The following SLC14A2 variants were observed in gnomAD, a reference collection of about 807,000 sequenced individuals.
SLC14A2 encodes the protein solute carrier family 14 member 2.
SLC14A2 carries 91 observed loss-of-function variants against 104.6 expected under a neutral mutation model. The ratio of observed to expected loss-of-function variants is 0.87; its 90% confidence interval spans 0.73 to 1.04. The LOEUF is 1.04. SLC14A2 is among the 50% of genes least tolerant of loss of function. The probability of loss-of-function intolerance (pLI) is 0.00; values close to 1 mark genes in which losing one functional copy is unlikely to be tolerated. For missense variants in SLC14A2, 1,189 were observed against 1,156.0 expected, an observed-to-expected ratio of 1.03 and a Z score of -0.41; for synonymous variants, 476 against 466.4, an observed-to-expected ratio of 1.02 and a Z score of -0.27.
At chr18:45,262,107 A>T (rs771603691) in intron 1 of SLC14A2, among the ~76,000 whole-genome samples, 4 of 152,144 alleles carry the variant, frequency 2.6e-5, no homozygotes, top group South Asian at 4.1e-4. Flanking sequence ...ATTCTAACTG[A>T]TGTGAGATGG....
chr18:45,428,297 T>G (rs1476536437), intron 1 of SLC14A2, among the ~76,000 whole-genome samples: 1 of 152,216 alleles, frequency 6.6e-6, no homozygotes, highest in Non-Finnish European at 1.5e-5. Flanking sequence ...TATATCTGAC[T>G]CAAATAAAAC....
intron 1 of SLC14A2, among the ~76,000 whole-genome samples, chr18:45,226,565 A>G (rs1246951828): frequency 6.6e-6 from 1 of 151,708 alleles, no homozygotes; most frequent in African/African-American, 2.4e-5. Flanking sequence ...AAACTATCAC[A>G]AGGACAGAAA....
chr18:45,368,160 G>A (rs748593988), intron 1 of SLC14A2, among the ~76,000 whole-genome samples: 1 of 152,070 alleles, frequency 6.6e-6, no homozygotes, highest in African/African-American at 2.4e-5. Flanking sequence ...TAAGTAAAGG[G>A]CACCTGAAAC....
intron 2 of SLC14A2, among the ~76,000 whole-genome samples, chr18:45,560,393 C>T (rs2044185609): frequency 6.6e-6 from 1 of 152,140 alleles, no homozygotes; most frequent in Admixed American, 6.5e-5. Context: ...CCTGGACTTT[C>T]CCACTGCCAC....
the SLC14A2 span, among the ~76,000 whole-genome samples, chr18:45,175,889 CTGTTA>C: frequency 6.6e-6 from 1 of 152,248 alleles, no homozygotes; most frequent in East Asian, 1.9e-4. Flanking sequence ...GTAGCTCTGT[CTGTTA>C]TAAGGGGCTG....
At chr18:45,624,935 G>A (rs569418755) in intron 2 of SLC14A2, 121 bp downstream of exon 2, 2 of 986,588 alleles carry the variant, frequency 2.0e-6, no homozygotes, top group East Asian at 5.1e-5. Flanking sequence ...GCCACTGTCA[G>A]TACATGGTGA....
intron 1 of SLC14A2, among the ~76,000 whole-genome samples, chr18:45,232,519 A>G (rs1366992028): frequency 1.3e-5 from 2 of 152,208 alleles, no homozygotes; most frequent in Admixed American, 6.5e-5. Context: ...GTCTATACCC[A>G]TTGTTCTAAT....
chr18:45,678,340 C>G (rs1004050852), intron 18 of SLC14A2, among the ~76,000 whole-genome samples: 1 of 152,180 alleles, frequency 6.6e-6, no homozygotes, highest in African/African-American at 2.4e-5. Flanking sequence ...CAATAACACA[C>G]TAATAAAGGT....
At chr18:45,581,356 T>A (rs1269826742) in intron 2 of SLC14A2, among the ~76,000 whole-genome samples, 1 of 152,140 alleles carries the variant, frequency 6.6e-6, no homozygotes, top group Non-Finnish European at 1.5e-5. Flanking sequence ...CCCTCTGGGA[T>A]GTCCAGGCTC....
At chr18:45,527,395 T>C (rs1302775300) in intron 2 of SLC14A2, among the ~76,000 whole-genome samples, 3 of 152,186 alleles carry the variant, frequency 2.0e-5, no homozygotes, top group Non-Finnish European at 4.4e-5. Context: ...AGATGTCTCA[T>C]TTATTATAGA....
At chr18:45,583,439 A>C (rs559620467) in intron 2 of SLC14A2, among the ~76,000 whole-genome samples, 1 of 152,212 alleles carries the variant, frequency 6.6e-6, no homozygotes. Flanking sequence ...CCTAATTTCT[A>C]TCCTGTTCTG....
the SLC14A2 span, among the ~76,000 whole-genome samples, chr18:45,201,877 G>T: frequency 1.7e-4 from 26 of 152,152 alleles, no homozygotes; most frequent in Admixed American, 1.5e-3. Context: ...ATGAAGAAAT[G>T]TAACTCCTGA....
At chr18:45,626,815 C>A in intron 3 of SLC14A2, 143 bp from the exon 4 acceptor site, 2 of 431,680 alleles carry the variant, frequency 4.6e-6, no homozygotes, top group South Asian at 5.0e-5. Context: ...TACCCCCACC[C>A]CTCCACCCCG....
At chr18:45,251,282 C>T (rs185117826) in intron 1 of SLC14A2, among the ~76,000 whole-genome samples, 134 of 152,272 alleles carry the variant, frequency 8.8e-4, no homozygotes, top group African/African-American at 3.1e-3. Flanking sequence ...ACTATGTTTG[C>T]TTTTTCATTC....
At chr18:45,370,655 T>C (rs1460599609) in intron 1 of SLC14A2, among the ~76,000 whole-genome samples, 2 of 151,506 alleles carry the variant, frequency 1.3e-5, no homozygotes, top group African/African-American at 4.9e-5. Flanking sequence ...CCAGAAAGAG[T>C]GCACTTCACG....
intron 1 of SLC14A2, among the ~76,000 whole-genome samples, chr18:45,280,487 G>T (rs557023699): frequency 3.9e-5 from 6 of 152,240 alleles, no homozygotes; most frequent in Admixed American, 3.9e-4. Context: ...CACCATACTG[G>T]GGTCTCCAGC....
intron 2 of SLC14A2, among the ~76,000 whole-genome samples, chr18:45,581,258 C>T (rs2044487046): frequency 6.6e-6 from 1 of 152,152 alleles, no homozygotes; most frequent in Admixed American, 6.5e-5. Flanking sequence ...GGACGTGGGC[C>T]ACCCGTGTGC....
intron 1 of SLC14A2, among the ~76,000 whole-genome samples, chr18:45,434,311 T>A (rs544874307): frequency 6.6e-6 from 1 of 152,316 alleles, no homozygotes; most frequent in South Asian, 2.1e-4. Context: ...ATGGAGGTTA[T>A]CCTCAATGAT....
intron 1 of SLC14A2, among the ~76,000 whole-genome samples, chr18:45,268,517 C>T (rs1008266436): frequency 1.3e-5 from 2 of 152,216 alleles, no homozygotes; most frequent in African/African-American, 2.4e-5. Flanking sequence ...GATTTTGTCT[C>T]AGCTGAAGTG....
Sources: gnomAD v4.1 joint callset for allele counts (sites outside exome capture counted in the v4.1 genomes callset) on GRCh38, gnomAD v4.1.1 for gene constraint, MANE v1.5 for transcripts, NCBI Gene and HGNC (gene_info 2026-07-23, HGNC 2026-07-21) for gene names.